SLAIN2: variants seen among roughly 807,000 people sequenced by gnomAD.
The protein encoded by SLAIN2 is SLAIN motif-containing protein 2.
A neutral mutation model predicts 56.6 loss-of-function variants in SLAIN2; 31 were observed. The observed-to-expected ratio is 0.55, with a 90% CI of 0.41 to 0.74. The LOEUF (loss-of-function observed/expected upper bound fraction) is 0.74. Among genes scored for constraint, SLAIN2 ranks in the 30% least tolerant of loss-of-function variants. SLAIN2 has a pLI of 0.00. For missense variants in SLAIN2, 777 were observed against 754.2 expected (o/e 1.03, Z -0.35); for synonymous variants, 317 against 284.9 (o/e 1.11, Z -1.13).
rs1577746523 is a variant in SLAIN2, at chr4:48,425,978, GTTTC to G, written c.*3904_*3907del. The G allele has an allele frequency of 1.3e-5, 2 of 152,136 alleles. No homozygotes were observed. Among genetic ancestry groups the G allele is most frequent in the Middle Eastern group, 3.4e-3 (1 of 294 alleles). The allele number at this position is 152,136 out of a possible 1,614,324, so 9.4% of individuals were successfully genotyped here. A position where few individuals can be genotyped will look rare whatever the true frequency, so the allele number is the denominator to read the frequency against. Reference sequence around the variant, plus strand: ...CTCTTTAAAAGAAATAAAAAAATCTGTTTCTTCTGATTTCGAAAGTAATAGAAAC... The same window carrying G: ...CTCTTTAAAAGAAATAAAAAAATCTGTTCTGATTTCGAAAGTAATAGAAAC... On this transcript the variant is annotated 3_prime_UTR_variant, in exon 8 of 8. Transcript: ENST00000264313.
chr4:48,356,567 G>A (rs1476726814), intron 1 of SLAIN2, among the ~76,000 whole-genome samples: 1 of 152,170 alleles, frequency 6.6e-6, no homozygotes, highest in Admixed American at 6.5e-5. Context: ...AATAGTTTGA[G>A]ACTCCCTGTC....
intron 7 of SLAIN2, among the ~76,000 whole-genome samples, chr4:48,421,135 C>T (rs1248921005): frequency 1.3e-5 from 2 of 152,238 alleles, no homozygotes; most frequent in Non-Finnish European, 2.9e-5. Context: ...GTCACCTCAG[C>T]ACCCCCTGTA....
chr4:48,414,414 T>G (rs536315789), intron 6 of SLAIN2, among the ~76,000 whole-genome samples: 3 of 152,308 alleles, frequency 2.0e-5, no homozygotes, highest in African/African-American at 7.2e-5. Context: ...CCTTACAATT[T>G]GTTTAATATT....
chr4:48,342,061 G>C lies in SLAIN2; in HGVS notation c.322G>C (p.Glu108Gln), dbSNP rs757900115. 7.2e-6 allele frequency: 10 copies of C among 1,382,712 alleles called. No individual in the cohort carries two copies. Among genetic ancestry groups the C allele is most frequent in the Admixed American group, 3.9e-5 (1 of 25,588 alleles). The allele number at this position is 1,382,712 out of a possible 1,614,324, so 85.7% of individuals were successfully genotyped here. ...GGCGGGCGAGGGCGGCTTGCTGGAC[G>C]AGGTGGAGCCGCTGCGGCCCGACGA... Reference protein sequence around the residue: ...LAAGEGGLLDEVEPLRPDELE... With the variant: ...LAAGEGGLLDQVEPLRPDELE... Residue 108 changes from glutamate to glutamine, a missense_variant, in exon 1 of 8, where the codon GAG becomes CAG. Physicochemically the swap from Glu to Gln is conservative, Grantham distance 29 (BLOSUM62 2). Transcript: ENST00000264313.
At chr4:48,378,631 G>T (rs1715890075) in intron 3 of SLAIN2, among the ~76,000 whole-genome samples, 1 of 152,118 alleles carries the variant, frequency 6.6e-6, no homozygotes, top group Admixed American at 6.5e-5. Context: ...TGTTATGACT[G>T]ATTATTATAA....
In SLAIN2 at chr4:48,379,673, CTT is replaced by C. The variant is rs752176975; in HGVS notation, c.704-5_704-4del. ...GCTTTACCAGAGTTTGAATTTTTTT[CTT>C]TTTTTTTTTTTAAGGTAACTTGAAA... On this transcript the variant is annotated splice_polypyrimidine_tract_variant and intron_variant, in intron 3 of 7. Coordinates refer to ENST00000264313, the MANE Select transcript of SLAIN2 (RefSeq NM_020846.2). 6.6e-4 allele frequency: 746 copies of C among 1,133,772 alleles called. No individual in the cohort carries two copies. Among genetic ancestry groups the C allele is most frequent in the South Asian group, 3.3e-3 (135 of 41,452 alleles). The allele number at this position is 1,133,772 out of a possible 1,614,324, so 70.2% of individuals were successfully genotyped here.
At chr4:48,418,673 T>C (rs1303203193) in intron 6 of SLAIN2, among the ~76,000 whole-genome samples, 6 of 152,220 alleles carry the variant, frequency 3.9e-5, no homozygotes, top group Non-Finnish European at 8.8e-5. Flanking sequence ...ATAAAATGAA[T>C]TGGGACATGT....
At chr4:48,371,885 G>T (rs1282185590) in intron 2 of SLAIN2, among the ~76,000 whole-genome samples, 5 of 151,908 alleles carry the variant, frequency 3.3e-5, no homozygotes, top group African/African-American at 1.2e-4. Context: ...TTGTTGCAGT[G>T]AGCCATGTTT....
Position 48,393,702 on chromosome 4 carries a change from G to A in SLAIN2, c.1360+9918G>A, listed in dbSNP as rs556845369. ...GAAGTCTGACTTTCAAATCAGCAGA[G>A]TAACTAAAATATTTTAGAGCTGCTT... On this transcript the variant is annotated intron_variant, in intron 6 of 7. Transcript: ENST00000264313. Among the ~76,000 whole-genome samples, 47 of 152,210 alleles carry A rather than the reference G, an allele frequency of 3.1e-4. 2 individuals are homozygous for A. In the South Asian group the frequency reaches 3.7e-3, roughly 12 times the overall value.
At chr4:48,420,008 T>A (rs1717104321) in intron 6 of SLAIN2, 117 bp from the exon 7 acceptor site, 1 of 996,936 alleles carries the variant, frequency 1.0e-6, no homozygotes, top group African/African-American at 1.6e-5. Context: ...TTTGCATTGC[T>A]GTGAAGTTTC....
chr4:48,386,197 TATATAACAAATTTATATTATAC>T (rs1229479997), intron 6 of SLAIN2, among the ~76,000 whole-genome samples: 1 of 152,154 alleles, frequency 6.6e-6, no homozygotes, highest in Non-Finnish European at 1.5e-5. Flanking sequence ...TGATATTACT[TATATAACAAATTTATATTATAC>T]TGTATTTAGA....
At chr4:48,397,072 T>C (rs1226808836) in intron 6 of SLAIN2, among the ~76,000 whole-genome samples, 1 of 152,222 alleles carries the variant, frequency 6.6e-6, no homozygotes, top group African/African-American at 2.4e-5. Flanking sequence ...CTATTTAAAC[T>C]GCTTTGAGAA....
chr4:48,382,583 A>G lies in SLAIN2; in HGVS notation c.878A>G (p.Tyr293Cys), dbSNP rs1715995141. 6.3e-7 allele frequency: 1 copy of G among 1,580,306 alleles called. No individual in the cohort carries two copies. The stretch of plus-strand genomic sequence containing the variant: ...TTGTTGCCAGGTCTCCGGCAAGAAT[A>G]TGCAGCCACCACGTCTCGGCGCAGT... The part of the protein sequence containing the change: ...RMQEESLRQE[Y>C]AATTSRRSSG... Residue 293 changes from tyrosine (Y) to cysteine (C), a missense_variant, in exon 5 of 8, where the codon TAT (tyrosine) becomes TGT (cysteine). Transcript: ENST00000264313.
chr4:48,341,760 C>G lies in SLAIN2; in HGVS notation c.21C>G (p.Asn7Lys). The G allele has an allele frequency of 6.5e-7, 1 of 1,532,302 alleles. No individual in the cohort carries two copies. The highest frequency in any genetic ancestry group is 1.2e-5 in the South Asian group (1 of 82,038). 94.9% of individuals were successfully genotyped at this position (1,532,302 alleles called of 1,614,324 possible). A position where few individuals can be genotyped will look rare whatever the true frequency, so the allele number is the denominator to read the frequency against. MEDVNS[N>K]VNADQEVRKL... is the part of the protein sequence containing the mutation. ...CCGGGATGGAGGACGTTAACTCCAACGTGAACGCGGACCAGGAGGTGCGGA... is the reference window on the plus strand; with the variant it reads ...CCGGGATGGAGGACGTTAACTCCAAGGTGAACGCGGACCAGGAGGTGCGGA... Residue 7 changes from asparagine to lysine, a missense_variant, in exon 1 of 8, where the codon AAC (asparagine) becomes AAG (lysine). By Grantham distance (94) the Asn-to-Lys change is moderately conservative. Coordinates refer to ENST00000264313, the MANE Select transcript of SLAIN2 (RefSeq NM_020846.2).
chr4:48,400,048 A>G (rs1383699375), intron 6 of SLAIN2, among the ~76,000 whole-genome samples: 1 of 152,004 alleles, frequency 6.6e-6, no homozygotes. Context: ...TCTCCTTTTC[A>G]ATTGTTTGGA....
intron 6 of SLAIN2, among the ~76,000 whole-genome samples, chr4:48,384,588 T>C (rs1232079774): frequency 6.6e-6 from 1 of 152,180 alleles, no homozygotes; most frequent in Non-Finnish European, 1.5e-5. Context: ...GCTAAACTCT[T>C]AAACAGAGAA....
intron 3 of SLAIN2, 77 bp from the exon 4 acceptor site, chr4:48,379,613 T>C (rs1715919095): frequency 6.1e-6 from 7 of 1,139,960 alleles, no homozygotes; most frequent in Non-Finnish European, 8.0e-6. Flanking sequence ...GGGTATAATA[T>C]CAAGTTAGTT....
At chr4:48,405,370 T>A (rs1468361869) in intron 6 of SLAIN2, among the ~76,000 whole-genome samples, 1 of 152,228 alleles carries the variant, frequency 6.6e-6, no homozygotes, top group East Asian at 1.9e-4. Flanking sequence ...CTTTTTGATA[T>A]GTCTTTTTAA....
intron 6 of SLAIN2, among the ~76,000 whole-genome samples, chr4:48,403,309 T>TA (rs1716604387): frequency 6.6e-6 from 1 of 152,174 alleles, no homozygotes; most frequent in African/African-American, 2.4e-5. Context: ...GCCAGCAGGC[T>TA]GGAAAGGCTG....
Sources: gnomAD v4.1 joint callset for allele counts (sites outside exome capture counted in the v4.1 genomes callset) on GRCh38, gnomAD v4.1.1 for gene constraint, MANE v1.5 for transcripts, NCBI Gene and HGNC (gene_info 2026-07-23, HGNC 2026-07-21) for gene names.